The following IPMK variants were observed in gnomAD, a reference collection of about 807,000 sequenced individuals.
IPMK encodes the protein inositol 1,3,4,6-tetrakisphosphate 5-kinase.
Under a neutral mutation model 45.8 loss-of-function variants are expected in IPMK, and 17 were observed. The observed-to-expected ratio is 0.37, with a 90% confidence interval of 0.25 to 0.56. The LOEUF (loss-of-function observed/expected upper bound fraction) is 0.56, where lower values mean the gene tolerates loss of function less well. Ranked by LOEUF, IPMK falls within the 20% of genes least tolerant of loss-of-function variation. The probability of loss-of-function intolerance (pLI) is 0.79; values close to 1 mark genes in which losing one functional copy is unlikely to be tolerated. For missense variants in IPMK, 399 were observed against 498.0 expected (o/e 0.80, Z 1.89); for synonymous variants, 180 against 184.3 (o/e 0.98, Z 0.19).
At chr10:58,213,188 T>A (rs1756851244) in intron 4 of IPMK, among the ~76,000 whole-genome samples, 1 of 151,970 alleles carries the variant, frequency 6.6e-6, no homozygotes, top group African/African-American at 2.4e-5. Flanking sequence ...AAGATGTCTT[T>A]AAGCACTTAA....
intron 1 of IPMK, among the ~76,000 whole-genome samples, chr10:58,260,415 G>C (rs918373504): frequency 1.3e-5 from 2 of 152,170 alleles, no homozygotes; most frequent in African/African-American, 2.4e-5. Flanking sequence ...TCTGAATTTT[G>C]TAATTTTACT....
chr10:58,237,525 A>C (rs1838631708), intron 2 of IPMK, among the ~76,000 whole-genome samples: 1 of 152,226 alleles, frequency 6.6e-6, no homozygotes, highest in South Asian at 2.1e-4. Flanking sequence ...TAAACACAGA[A>C]GAAGAATCTA....
intron 1 of IPMK, among the ~76,000 whole-genome samples, chr10:58,257,707 T>G (rs1384434201): frequency 6.6e-6 from 1 of 151,942 alleles, no homozygotes; most frequent in Non-Finnish European, 1.5e-5. Context: ...ACAGATGAGT[T>G]AAAAGTGAAA....
rs146229892 is a variant in IPMK at position 58,214,510 on chromosome 10, C to T, written c.546+1635G>A. On this transcript the variant is annotated intron_variant, in intron 4 of 5. Coordinates refer to ENST00000373935, the MANE Select transcript of IPMK (RefSeq NM_152230.5). ...TGTTTGTTTTAACTGTATTCCATTA[C>T]CATTTTTTCTTTTTCTATACATTCA... Among the ~76,000 whole-genome samples, 101 of 152,234 alleles carry T rather than the reference C, an allele frequency of 6.6e-4. 1 individual carries two copies. Among genetic ancestry groups the T allele is most frequent in the Non-Finnish European group, 3.1e-4 (21 of 68,008 alleles).
At chr10:58,233,583 CAA>C (rs781187301) in intron 2 of IPMK, among the ~76,000 whole-genome samples, 1 of 152,060 alleles carries the variant, frequency 6.6e-6, no homozygotes, top group Non-Finnish European at 1.5e-5. Context: ...ATGATTATCT[CAA>C]GAGATGAAGA....
chr10:58,200,025 C>T (rs1324517440), intron 4 of IPMK, among the ~76,000 whole-genome samples: 2 of 152,064 alleles, frequency 1.3e-5, no homozygotes, highest in Non-Finnish European at 2.9e-5. Flanking sequence ...AAAACACACA[C>T]CTATGTTCTC....
chr10:58,199,243 C>G lies in IPMK; in HGVS notation c.625G>C (p.Asp209His). 1 of 1,593,310 alleles carries G rather than the reference C, an allele frequency of 6.3e-7. No homozygotes were observed. The highest frequency in any genetic ancestry group is 8.6e-7 in the Non-Finnish European group (1 of 1,164,466). ...GRSLTKETIK[D>H]GVSRFFHNGY... ...GCATTAGTTTTTTAGTCCTTACCATCCTTTATAGTTTCTTTTGTTAAGCTT... is the reference window on the plus strand; with the variant it reads ...GCATTAGTTTTTTAGTCCTTACCATGCTTTATAGTTTCTTTTGTTAAGCTT... Residue 209 changes from aspartate (D) to histidine (H), a missense_variant, in exon 5 of 6, where the codon GAT becomes CAT. Asp to His is a moderately conservative substitution (Grantham distance 81). Transcript: ENST00000373935.
intron 1 of IPMK, among the ~76,000 whole-genome samples, chr10:58,267,010 C>T (rs527562340): frequency 6.6e-6 from 1 of 152,346 alleles, no homozygotes; most frequent in South Asian, 2.1e-4. Flanking sequence ...AGATTAGCAT[C>T]ATCTGCATTT....
intron 3 of IPMK, among the ~76,000 whole-genome samples, chr10:58,225,594 G>A (rs568701164): frequency 6.6e-6 from 1 of 152,170 alleles, no homozygotes; most frequent in South Asian, 2.1e-4. Context: ...GTATTTGCTA[G>A]TTATTCTACT....
Position 58,195,976 on chromosome 10 carries a change from C to T in IPMK, c.*100G>A. ...AGTATAAAGACAAATAAAATGTCGACTCATAATACAAATTTTTTACATAGC... is the reference window on the plus strand; with the variant it reads ...AGTATAAAGACAAATAAAATGTCGATTCATAATACAAATTTTTTACATAGC... On this transcript the variant is annotated 3_prime_UTR_variant, in exon 6 of 6. Transcript: ENST00000373935. 1 of 1,116,104 alleles carries T rather than the reference C, an allele frequency of 9.0e-7. No homozygotes were observed. The highest frequency in any genetic ancestry group is 1.3e-6 in the Non-Finnish European group (1 of 777,746). 69.1% of individuals were successfully genotyped at this position (1,116,104 alleles called of 1,614,324 possible).
At chr10:58,220,332 G>C (rs1185469467) in intron 3 of IPMK, among the ~76,000 whole-genome samples, 1 of 152,068 alleles carries the variant, frequency 6.6e-6, no homozygotes, top group African/African-American at 2.4e-5. Context: ...ATGGCCCTTG[G>C]CTTTCATAAG....
chr10:58,200,861 T>A (rs1208138084), intron 4 of IPMK, among the ~76,000 whole-genome samples: 2 of 152,198 alleles, frequency 1.3e-5, no homozygotes, highest in African/African-American at 4.8e-5. Context: ...TTGTACATAT[T>A]TATGGGGCAC....
chr10:58,234,999 G>A (rs1254621918), intron 2 of IPMK, among the ~76,000 whole-genome samples: 1 of 152,054 alleles, frequency 6.6e-6, no homozygotes, highest in Non-Finnish European at 1.5e-5. Context: ...ATCAAAAAGG[G>A]GGCAAAGGAT....
intron 2 of IPMK, among the ~76,000 whole-genome samples, chr10:58,234,902 T>G (rs1838584633): frequency 6.6e-6 from 1 of 152,078 alleles, no homozygotes; most frequent in African/African-American, 2.4e-5. Flanking sequence ...GGAGAAAATT[T>G]TTGCAATCTA....
At chr10:58,217,401 C>T (rs185527293) in intron 3 of IPMK, among the ~76,000 whole-genome samples, 157 of 151,610 alleles carry the variant, frequency 1.0e-3, no homozygotes, top group Non-Finnish European at 1.9e-3. Flanking sequence ...GTTAAAGAAC[C>T]GTCTCGGCCA....
intron 3 of IPMK, among the ~76,000 whole-genome samples, chr10:58,223,945 A>C (rs1838375353): frequency 6.6e-6 from 1 of 150,958 alleles, no homozygotes; most frequent in Non-Finnish European, 1.5e-5. Flanking sequence ...GCCATGCAGA[A>C]CTGTGAGTCG....
intron 1 of IPMK, among the ~76,000 whole-genome samples, chr10:58,262,184 G>C (rs866325001): frequency 2.0e-5 from 3 of 152,202 alleles, no homozygotes; most frequent in Middle Eastern, 3.4e-3. Context: ...CACTGCACAT[G>C]TATACATATG....
At chr10:58,206,544 G>A (rs186162810) in intron 4 of IPMK, among the ~76,000 whole-genome samples, 5 of 152,286 alleles carry the variant, frequency 3.3e-5, no homozygotes, top group African/African-American at 1.2e-4. Flanking sequence ...ATAAATCCCA[G>A]CAGAGTGAAA....
At chr10:58,197,144 C>A (rs1837908303) in intron 5 of IPMK, among the ~76,000 whole-genome samples, 1 of 150,426 alleles carries the variant, frequency 6.6e-6, no homozygotes, top group Non-Finnish European at 1.5e-5. Flanking sequence ...ACTAAAAATA[C>A]AAAAAATTAG....
Sources: allele counts gnomAD v4.1 joint callset (sites outside exome capture counted in the v4.1 genomes callset), GRCh38; gene constraint gnomAD v4.1.1; transcripts MANE v1.5; gene names NCBI Gene and HGNC (gene_info 2026-07-23, HGNC 2026-07-21).